MAPT: variants seen among roughly 807,000 people sequenced by gnomAD.
The protein encoded by MAPT is microtubule-associated protein tau.
MAPT carries 34 observed loss-of-function variants against 67.9 expected under a neutral mutation model. The ratio of observed to expected loss-of-function variants is 0.50; its 90% CI spans 0.38 to 0.67. The LOEUF (loss-of-function observed/expected upper bound fraction) is 0.67. Among genes scored for constraint, MAPT ranks in the 30% least tolerant of loss-of-function variants. MAPT has a pLI of 0.00. For missense variants in MAPT, 881 were observed against 1,115.2 expected, an observed-to-expected ratio of 0.79 and a Z score of 2.99; for synonymous variants, 456 against 464.5, an observed-to-expected ratio of 0.98 and a Z score of 0.23.
At chr17:45,974,617 T>C (rs2072124163) in intron 3 of MAPT, 1 of 674,790 alleles carries the variant, frequency 1.5e-6, no homozygotes, top group Non-Finnish European at 2.6e-6. Flanking sequence ...GAATCTTGGG[T>C]TGTGAGTAGC....
At chr17:45,998,589 G>T (rs2074710503) in intron 9 of MAPT, among the ~76,000 whole-genome samples, 1 of 152,140 alleles carries the variant, frequency 6.6e-6, no homozygotes, top group African/African-American at 2.4e-5. Flanking sequence ...TTAAGGTCCG[G>T]CCTTTTCCTG....
At chr17:45,917,074 G>A (rs535259891) in intron 1 of MAPT, among the ~76,000 whole-genome samples, 5 of 152,356 alleles carry the variant, frequency 3.3e-5, no homozygotes, top group East Asian at 1.9e-4. Context: ...ATGGGAACAC[G>A]TGATCTGTTT....
chr17:45,945,563 A>G (rs748169506), intron 1 of MAPT, among the ~76,000 whole-genome samples: 4 of 152,242 alleles, frequency 2.6e-5, no homozygotes, highest in Non-Finnish European at 5.9e-5. Flanking sequence ...CTGTAATCCT[A>G]GCACTTTGGG....
At chr17:45,926,232 G>T (rs1197758439) in intron 1 of MAPT, among the ~76,000 whole-genome samples, 1 of 149,974 alleles carries the variant, frequency 6.7e-6, no homozygotes, top group Non-Finnish European at 1.5e-5. Flanking sequence ...AAAAAGAAAA[G>T]CCTTTTTAAA....
Position 45,915,218 on chromosome 17 carries a change from A to T in MAPT, c.-18+20532A>T, listed in dbSNP as rs1412398254. ...GACTGGAGTGCGTGTGTGTGCGCGCAAAGTGTGGGGGGATGGGGGTGAGTG... is the reference window on the plus strand; with the variant it reads ...GACTGGAGTGCGTGTGTGTGCGCGCTAAGTGTGGGGGGATGGGGGTGAGTG... On this transcript the variant is annotated intron_variant, in intron 1 of 12. Transcript: ENST00000262410. The surrounding 1 kb of genome is among the most constrained non-coding windows in gnomAD (Gnocchi z 4.4). Among the ~76,000 whole-genome samples the T allele has an allele frequency of 6.6e-6, 1 of 151,212 alleles. No individual in the cohort carries two copies. Among genetic ancestry groups the T allele is most frequent in the Non-Finnish European group, 1.5e-5 (1 of 67,782 alleles).
intron 1 of MAPT, among the ~76,000 whole-genome samples, chr17:45,922,823 CA>C (rs958593280): frequency 8.2e-5 from 12 of 146,722 alleles, no homozygotes; most frequent in South Asian, 6.5e-4. Context: ...AGAAACAAAA[CA>C]AAAAAAAAAT....
chr17:45,951,724 C>A (rs2069103962), intron 1 of MAPT, among the ~76,000 whole-genome samples: 1 of 151,908 alleles, frequency 6.6e-6, no homozygotes, highest in African/African-American at 2.4e-5. Flanking sequence ...AGCTAAAAAA[C>A]CACAGGGACG....
intron 1 of MAPT, chr17:45,910,628 T>C (rs2064706091): frequency 6.7e-6 from 1 of 149,606 alleles, no homozygotes; most frequent in Non-Finnish European, 1.5e-5. Context: ...TGAGAATTTG[T>C]GCCATATGAT....
intron 1 of MAPT, among the ~76,000 whole-genome samples, chr17:45,943,570 C>T (rs2068187544): frequency 2.0e-5 from 3 of 152,002 alleles, no homozygotes; most frequent in Non-Finnish European, 4.4e-5. Context: ...CCTAATCCTC[C>T]TCTCCCCTCC....
At chr17:45,928,862 A>AT (rs1387850735) in intron 1 of MAPT, among the ~76,000 whole-genome samples, 1 of 151,846 alleles carries the variant, frequency 6.6e-6, no homozygotes, top group Non-Finnish European at 1.5e-5. Flanking sequence ...CGCCCAGCTA[A>AT]TTTTTTTGTG....
rs1568207940 is a variant in MAPT at position 45,941,699 on chromosome 17, CTG to C, written c.-17-20621_-17-20620del. On this transcript the variant is annotated intron_variant, in intron 1 of 12. Coordinates refer to ENST00000262410, the MANE Select transcript of MAPT (RefSeq NM_001377265.1). ...CCTTCCCTCCTTCCTTCCTTCCTTC[CTG>C]CCTGCCTTCCTTCCTTCCTTCCTTC... Among the ~76,000 whole-genome samples, 8 of 60,634 alleles carry C rather than the reference CTG, an allele frequency of 1.3e-4. 2 individuals are homozygous for C. In the East Asian group the frequency reaches 1.9e-3, roughly 14 times the overall value. 39.8% of individuals were successfully genotyped at this position (60,634 alleles called of 152,430 possible).
intron 1 of MAPT, among the ~76,000 whole-genome samples, chr17:45,944,098 A>G (rs1271155778): frequency 1.3e-5 from 2 of 152,158 alleles, no homozygotes; most frequent in African/African-American, 2.4e-5. Context: ...AGTCCAGAAT[A>G]TGACTGCTTG....
At chr17:46,004,096 T>C (rs62064664) in intron 9 of MAPT, among the ~76,000 whole-genome samples, 21,754 of 152,206 alleles carry the variant, frequency 0.14, 2,133 homozygotes, top group Non-Finnish European at 0.22. Context: ...TGCACTGGGC[T>C]TGCTGAGCCT....
At chr17:45,997,514 C>T (rs2145846565) in intron 9 of MAPT, among the ~76,000 whole-genome samples, 1 of 152,320 alleles carries the variant, frequency 6.6e-6, no homozygotes, top group Middle Eastern at 3.4e-3. Context: ...AATCCCAGCA[C>T]TTTGGGAGGC....
chr17:45,935,666 T>G (rs916123899), intron 1 of MAPT, among the ~76,000 whole-genome samples: 3 of 152,180 alleles, frequency 2.0e-5, no homozygotes, highest in Non-Finnish European at 2.9e-5. Context: ...TCTTCCAGAA[T>G]GTCTTGTCTC....
chr17:45,960,815 A>T (rs2070315245), intron 1 of MAPT, among the ~76,000 whole-genome samples: 1 of 141,994 alleles, frequency 7.0e-6, no homozygotes, highest in African/African-American at 2.6e-5. Context: ...CCCACAAAGC[A>T]TTTATCCTGG....
At chr17:45,975,520 T>G (rs1453525707) in intron 3 of MAPT, 1 of 152,210 alleles carries the variant, frequency 6.6e-6, no homozygotes. Context: ...GTGAAGGACG[T>G]TTGAAGACTG....
intron 6 of MAPT, 119 bp downstream of exon 6, chr17:45,987,214 C>A: frequency 2.1e-6 from 2 of 952,626 alleles, no homozygotes; most frequent in South Asian, 1.4e-5. Context: ...GTACAGCTGT[C>A]ATTTAAAGTG....
chr17:45,941,635 T>C (rs1308909706), intron 1 of MAPT, among the ~76,000 whole-genome samples: 825 of 58,376 alleles, frequency 0.014, 22 homozygotes, highest in African/African-American at 0.05. Flanking sequence ...TCCTTCCCTC[T>C]TTCCCTCCTT....
Sources: gnomAD v4.1 joint callset for allele counts (sites outside exome capture counted in the v4.1 genomes callset) on GRCh38, gnomAD v4.1.1 for gene constraint, Gnocchi (gnomAD v3.1) non-coding constraint, MANE v1.5 for transcripts, NCBI Gene and HGNC (gene_info 2026-07-23, HGNC 2026-07-21) for gene names.